GRM8: variants seen among roughly 807,000 people sequenced by gnomAD.
GRM8 encodes the protein metabotropic glutamate receptor 8.
Under a neutral mutation model 87.2 loss-of-function variants are expected in GRM8, and 47 were observed. The observed-to-expected ratio is 0.54, with a 90% CI of 0.43 to 0.69. The LOEUF is 0.69. GRM8 is among the 30% of genes least tolerant of loss of function. The pLI is 0.00. For missense variants in GRM8, 1,019 were observed against 1,139.2 expected (o/e 0.89, Z 1.52); for synonymous variants, 396 against 404.5 (o/e 0.98, Z 0.25).
chr7:126,791,112 A>G (rs1198374329), intron 6 of GRM8, among the ~76,000 whole-genome samples: 3 of 152,184 alleles, frequency 2.0e-5, no homozygotes, highest in Non-Finnish European at 2.9e-5. Context: ...TCCCACCCAG[A>G]CAATGTGCAA....
intron 3 of GRM8, among the ~76,000 whole-genome samples, chr7:126,999,301 TG>T (rs1187593796): frequency 6.6e-6 from 1 of 151,682 alleles, no homozygotes; most frequent in Non-Finnish European, 1.5e-5. Flanking sequence ...AAGAAAACAT[TG>T]GGGAAAATCT....
chr7:126,722,116 T>C (rs1480363435), intron 7 of GRM8, among the ~76,000 whole-genome samples: 1 of 152,158 alleles, frequency 6.6e-6, no homozygotes, highest in African/African-American at 2.4e-5. Flanking sequence ...ATTCTTTAAC[T>C]TTCCTCCTGG....
chr7:126,564,588 T>C (rs1036533303), intron 8 of GRM8, among the ~76,000 whole-genome samples: 3 of 152,002 alleles, frequency 2.0e-5, no homozygotes, highest in Non-Finnish European at 4.4e-5. Context: ...AAACCAGTAA[T>C]AAAAAATGTC....
At chr7:126,852,930 TTTAA>T (rs1797350121) in intron 6 of GRM8, among the ~76,000 whole-genome samples, 1 of 152,224 alleles carries the variant, frequency 6.6e-6, no homozygotes, top group South Asian at 2.1e-4. Flanking sequence ...GATTAACATT[TTTAA>T]TTTAGTTTTG....
intron 7 of GRM8, among the ~76,000 whole-genome samples, chr7:126,748,698 A>G (rs1816018186): frequency 6.6e-6 from 1 of 151,858 alleles, no homozygotes; most frequent in Admixed American, 6.6e-5. Flanking sequence ...AATTTTTAAA[A>G]AGAAAAACAA....
At chr7:126,798,894 A>C (rs1178869703) in intron 6 of GRM8, among the ~76,000 whole-genome samples, 2 of 152,124 alleles carry the variant, frequency 1.3e-5, no homozygotes, top group Non-Finnish European at 2.9e-5. Context: ...TGTTCAACGA[A>C]TGTGGATCAG....
intron 9 of GRM8, among the ~76,000 whole-genome samples, chr7:126,477,619 G>T (rs974953311): frequency 1.6e-5 from 2 of 127,250 alleles, no homozygotes; most frequent in Admixed American, 1.7e-4. Context: ...AAGAAAGAAA[G>T]AAAGAAAGAA....
intron 3 of GRM8, among the ~76,000 whole-genome samples, chr7:126,952,277 A>C (rs1211468034): frequency 6.6e-6 from 1 of 152,082 alleles, no homozygotes; most frequent in African/African-American, 2.4e-5. Flanking sequence ...AATATATATA[A>C]GTTCATACAC....
At chr7:127,037,429 C>G (rs1563438881) in intron 3 of GRM8, among the ~76,000 whole-genome samples, 1 of 152,136 alleles carries the variant, frequency 6.6e-6, no homozygotes, top group Non-Finnish European at 1.5e-5. Flanking sequence ...CTGTCTGAGC[C>G]TCTCCCTCCC....
At chr7:127,195,330 T>C (rs1355084027) in intron 2 of GRM8, among the ~76,000 whole-genome samples, 1 of 152,164 alleles carries the variant, frequency 6.6e-6, no homozygotes, top group Non-Finnish European at 1.5e-5. Context: ...TCAAAACAAA[T>C]AATTTTGTCA....
chr7:127,061,192 T>C (rs1820564658), intron 3 of GRM8, among the ~76,000 whole-genome samples: 1 of 152,210 alleles, frequency 6.6e-6, no homozygotes, highest in Non-Finnish European at 1.5e-5. Flanking sequence ...CTTACATGAA[T>C]AATTTTCTTT....
chr7:126,962,362 A>T (rs1199034580), intron 3 of GRM8, among the ~76,000 whole-genome samples: 1 of 152,242 alleles, frequency 6.6e-6, no homozygotes, highest in East Asian at 1.9e-4. Flanking sequence ...ATGCTGCTGC[A>T]TATGGTCAAG....
chr7:126,785,308 A>T (rs1820510360), intron 6 of GRM8, among the ~76,000 whole-genome samples: 1 of 152,162 alleles, frequency 6.6e-6, no homozygotes, highest in Non-Finnish European at 1.5e-5. Flanking sequence ...GCTCTTTAGA[A>T]GAGCCTTTAT....
At chr7:126,878,491 T>G (rs1361765894) in intron 6 of GRM8, among the ~76,000 whole-genome samples, 1 of 152,010 alleles carries the variant, frequency 6.6e-6, no homozygotes, top group Non-Finnish European at 1.5e-5. Context: ...TAAAGAGTTG[T>G]TGTATCTTAA....
chr7:127,068,990 G>A (rs1821409972), intron 3 of GRM8, among the ~76,000 whole-genome samples: 2 of 152,208 alleles, frequency 1.3e-5, no homozygotes, highest in Middle Eastern at 3.4e-3. Flanking sequence ...GAATTATAGG[G>A]CTTCCCTGCT....
intron 2 of GRM8, among the ~76,000 whole-genome samples, chr7:127,212,653 G>A (rs1195587530): frequency 1.3e-5 from 2 of 151,996 alleles, no homozygotes; most frequent in Non-Finnish European, 2.9e-5. Context: ...TCCTGACCTC[G>A]TGATCCGCCC....
intron 7 of GRM8, among the ~76,000 whole-genome samples, chr7:126,668,768 C>T (rs1806072643): frequency 6.6e-6 from 1 of 152,108 alleles, no homozygotes; most frequent in Non-Finnish European, 1.5e-5. Context: ...TGGCAGTTAA[C>T]TTTTAAAGTT....
intron 6 of GRM8, among the ~76,000 whole-genome samples, chr7:126,812,406 A>G (rs1481058760): frequency 2.0e-5 from 3 of 152,150 alleles, no homozygotes; most frequent in African/African-American, 7.2e-5. Context: ...TAGGCTGTAA[A>G]GATATACAAC....
intron 7 of GRM8, among the ~76,000 whole-genome samples, chr7:126,709,802 T>C (rs1247606559): frequency 2.6e-5 from 4 of 151,912 alleles, no homozygotes; most frequent in Non-Finnish European, 4.4e-5. Flanking sequence ...AGTAAAGAAA[T>C]TGAGGTACAT....
Sources: allele counts gnomAD v4.1 joint callset (sites outside exome capture counted in the v4.1 genomes callset), GRCh38; gene constraint gnomAD v4.1.1; transcripts MANE v1.5; gene names NCBI Gene and HGNC (gene_info 2026-07-23, HGNC 2026-07-21).